The following STAU2 variants were observed in gnomAD, a reference collection of about 807,000 sequenced individuals.
STAU2 encodes double-stranded RNA-binding protein Staufen homolog 2.
Under a neutral mutation model 65.9 loss-of-function variants are expected in STAU2, and 20 were observed. That is an observed-to-expected ratio of 0.30 (90% confidence interval 0.21 to 0.44). The LOEUF (loss-of-function observed/expected upper bound fraction) is 0.44. Ranked by LOEUF, STAU2 falls within the 20% of genes least tolerant of loss-of-function variation. The probability of loss-of-function intolerance (pLI) is 1.00; values close to 1 mark genes in which losing one functional copy is unlikely to be tolerated. For synonymous variants in STAU2, 232 were observed against 233.9 expected (o/e 0.99, Z 0.07); for missense variants, 558 against 683.9 (o/e 0.82, Z 2.05).
At chr8:73,532,547 G>A (rs532758971) in intron 13 of STAU2, among the ~76,000 whole-genome samples, 3 of 152,124 alleles carry the variant, frequency 2.0e-5, no homozygotes, top group Non-Finnish European at 4.4e-5. Context: ...CAGGTGTGGT[G>A]TGCCCAGGAG....
At chr8:73,506,259 CT>C (rs1822061158) in intron 13 of STAU2, among the ~76,000 whole-genome samples, 1 of 152,126 alleles carries the variant, frequency 6.6e-6, no homozygotes, top group Non-Finnish European at 1.5e-5. Context: ...AAAAGTTCCC[CT>C]GTGCACGTAT....
intron 13 of STAU2, among the ~76,000 whole-genome samples, chr8:73,468,892 T>C (rs1462245109): frequency 2.6e-5 from 4 of 152,204 alleles, no homozygotes; most frequent in Admixed American, 6.5e-5. Flanking sequence ...TGGAAGACAG[T>C]ATGGCGATTC....
intron 13 of STAU2, among the ~76,000 whole-genome samples, chr8:73,466,326 T>TA (rs975658016): frequency 6.6e-6 from 1 of 152,004 alleles, no homozygotes; most frequent in African/African-American, 2.4e-5. Context: ...TCTGTGTCTT[T>TA]AAAAAAAATA....
At chr8:73,566,764 C>A (rs1170691206) in intron 12 of STAU2, among the ~76,000 whole-genome samples, 4 of 152,156 alleles carry the variant, frequency 2.6e-5, no homozygotes, top group Admixed American at 2.6e-4. Flanking sequence ...CATTCTCCAA[C>A]CTTTTCACAC....
chr8:73,732,981 T>C (rs1411426489), intron 3 of STAU2: 1 of 152,072 alleles, frequency 6.6e-6, no homozygotes, highest in African/African-American at 2.4e-5. Context: ...CCTTACACTC[T>C]AGACTTTGTT....
chr8:73,560,302 G>A (rs576028419), intron 12 of STAU2, among the ~76,000 whole-genome samples: 10 of 151,798 alleles, frequency 6.6e-5, no homozygotes, highest in Non-Finnish European at 1.5e-4. Context: ...GGATGTTCTC[G>A]ATCTCCTGAC....
intron 6 of STAU2, among the ~76,000 whole-genome samples, chr8:73,650,301 C>T (rs1290487812): frequency 6.6e-6 from 1 of 151,668 alleles, no homozygotes; most frequent in Non-Finnish European, 1.5e-5. Context: ...ATTAACAGGT[C>T]ATGAAATAAA....
At chr8:73,663,035 T>A (rs1408321019) in intron 6 of STAU2, among the ~76,000 whole-genome samples, 1 of 152,202 alleles carries the variant, frequency 6.6e-6, no homozygotes, top group Non-Finnish European at 1.5e-5. Context: ...AAATTGTTCA[T>A]ATATGGATTG....
chr8:73,485,919 TAGTC>T (rs1820887410), intron 13 of STAU2, among the ~76,000 whole-genome samples: 1 of 151,976 alleles, frequency 6.6e-6, no homozygotes, highest in African/African-American at 2.4e-5. Flanking sequence ...GTGAAATAAA[TAGTC>T]AGGAAAGCCC....
At chr8:73,549,896 A>C (rs1185469677) in intron 13 of STAU2, 2 of 985,710 alleles carry the variant, frequency 2.0e-6, no homozygotes, top group Non-Finnish European at 2.4e-6. Flanking sequence ...CAATTAAAAC[A>C]TTTAAGTAAT....
intron 13 of STAU2, among the ~76,000 whole-genome samples, chr8:73,512,057 C>A (rs1436184550): frequency 6.6e-6 from 1 of 152,018 alleles, no homozygotes; most frequent in Non-Finnish European, 1.5e-5. Context: ...GAAAATTGAT[C>A]AAAAATAAAT....
intron 13 of STAU2, among the ~76,000 whole-genome samples, chr8:73,494,019 G>A (rs549137743): frequency 6.6e-6 from 1 of 151,842 alleles, no homozygotes; most frequent in East Asian, 1.9e-4. Flanking sequence ...TGCCTTTGAG[G>A]GTCGTGTGGG....
chr8:73,622,293 A>AT (rs112367264), intron 6 of STAU2, among the ~76,000 whole-genome samples: 19,271 of 105,126 alleles, frequency 0.18, 2,284 homozygotes, highest in African/African-American at 0.36. Context: ...CGCCCGGCTA[A>AT]TTTTTTGTAT....
intron 12 of STAU2, among the ~76,000 whole-genome samples, chr8:73,554,114 T>C (rs1807545877): frequency 6.6e-6 from 1 of 152,204 alleles, no homozygotes; most frequent in African/African-American, 2.4e-5. Flanking sequence ...TTCTTTGTTC[T>C]TGGCAGTCCC....
chr8:73,592,539 C>G (rs567682841), intron 11 of STAU2, among the ~76,000 whole-genome samples: 1 of 152,052 alleles, frequency 6.6e-6, no homozygotes, highest in Non-Finnish European at 1.5e-5. Context: ...GCCCAAAAGC[C>G]TTCACTGGTA....
intron 13 of STAU2, among the ~76,000 whole-genome samples, chr8:73,502,445 A>C (rs1416722862): frequency 7.9e-5 from 12 of 151,932 alleles, no homozygotes; most frequent in Non-Finnish European, 1.5e-5. Flanking sequence ...TCTGACCTGT[A>C]CCTCACATTC....
intron 12 of STAU2, among the ~76,000 whole-genome samples, chr8:73,556,682 G>A (rs371726586): frequency 4.6e-5 from 7 of 152,214 alleles, no homozygotes; most frequent in Middle Eastern, 3.4e-3. Context: ...GCTTGAACCC[G>A]GGAGGTGGAG....
At chr8:73,742,753 A>G (rs1049770907) in intron 1 of STAU2, among the ~76,000 whole-genome samples, 3 of 151,978 alleles carry the variant, frequency 2.0e-5, no homozygotes, top group African/African-American at 7.2e-5. Flanking sequence ...CGTGATGCTC[A>G]TGAAGAATGG....
intron 11 of STAU2, among the ~76,000 whole-genome samples, chr8:73,587,707 T>G (rs1299312230): frequency 1.3e-5 from 2 of 152,208 alleles, no homozygotes; most frequent in Non-Finnish European, 2.9e-5. Context: ...TCATAATATT[T>G]AAACATGAGA....
Sources: gnomAD v4.1 joint callset for allele counts (sites outside exome capture counted in the v4.1 genomes callset) on GRCh38, gnomAD v4.1.1 for gene constraint, MANE v1.5 for transcripts, NCBI Gene and HGNC (gene_info 2026-07-23, HGNC 2026-07-21) for gene names.